Variants in GTF2H3 observed in about 807,000 individuals in gnomAD.
The protein encoded by GTF2H3 is TFIIH basal transcription factor complex p34 subunit.
GTF2H3 carries 42 observed loss-of-function variants against 51.1 expected under a neutral mutation model. The ratio of observed to expected loss-of-function variants is 0.82; its 90% CI spans 0.64 to 1.06. The LOEUF (loss-of-function observed/expected upper bound fraction) is 1.06, where lower values mean the gene tolerates loss of function less well. GTF2H3 is among the 50% of genes least tolerant of loss of function. The pLI is 0.00. For missense variants in GTF2H3, 326 were observed against 366.1 expected (o/e 0.89, Z 0.89); for synonymous variants, 123 against 123.8 (o/e 0.99, Z 0.04).
rs571639301 is a variant in GTF2H3 at position 123,657,192 on chromosome 12, A to G, written c.615+1368A>G. ...TTTTGCCTTTTTTTTTTTTAACAGTAAACACTGCAATTACTTTTGCACCAA... is the reference window on the plus strand; with the variant it reads ...TTTTGCCTTTTTTTTTTTTAACAGTGAACACTGCAATTACTTTTGCACCAA... On this transcript the variant is annotated intron_variant, in intron 9 of 12. Transcript: ENST00000543341. 7.2e-5 allele frequency among the ~76,000 whole-genome samples: 11 copies of G among 152,100 alleles called. No homozygotes were observed. The South Asian group carries it at 2.3e-3, about 32-fold the overall frequency.
chr12:123,646,809 T>TG (rs1436669384), intron 3 of GTF2H3, among the ~76,000 whole-genome samples: 1 of 151,612 alleles, frequency 6.6e-6, no homozygotes, highest in African/African-American at 2.4e-5. Flanking sequence ...GTCAAAGTTT[T>TG]TTTTTTTTTT....
intron 11 of GTF2H3, 32 bp from the exon 12 acceptor site, chr12:123,660,014 C>A (rs751697938): frequency 1.3e-6 from 2 of 1,590,216 alleles, no homozygotes; most frequent in Non-Finnish European, 1.7e-6. Flanking sequence ...TTTTCAGCCA[C>A]CCTATTGTTT....
At chr12:123,655,623 C>T in intron 8 of GTF2H3, 148 bp from the exon 9 acceptor site, 1 of 572,842 alleles carries the variant, frequency 1.7e-6, no homozygotes, top group Non-Finnish European at 3.1e-6. Flanking sequence ...GGTGCTTCAG[C>T]TGCCAAATGC....
intron 7 of GTF2H3, among the ~76,000 whole-genome samples, chr12:123,654,040 T>G (rs1955552566): frequency 6.6e-6 from 1 of 152,168 alleles, no homozygotes; most frequent in African/African-American, 2.4e-5. Flanking sequence ...CCACATATAT[T>G]GTGGACTGAA....
chr12:123,656,388 A>G (rs1157418732), intron 9 of GTF2H3, among the ~76,000 whole-genome samples: 4 of 152,206 alleles, frequency 2.6e-5, no homozygotes, highest in African/African-American at 9.7e-5. Context: ...GTAAAAATTC[A>G]AAAAGTTTGA....
intron 7 of GTF2H3, 90 bp downstream of exon 7, chr12:123,652,825 C>T: frequency 8.0e-7 from 1 of 1,254,330 alleles, no homozygotes; most frequent in Non-Finnish European, 1.1e-6. Flanking sequence ...CACCTGTTAT[C>T]CCAGCACTTT....
At chr12:123,638,792 CTTT>C (rs775845249) in intron 1 of GTF2H3, among the ~76,000 whole-genome samples, 2 of 119,728 alleles carry the variant, frequency 1.7e-5, no homozygotes. Context: ...TGCTTTAAAG[CTTT>C]TTTTTTTTTT....
At chr12:123,637,290 A>G (rs181528169) in intron 1 of GTF2H3, among the ~76,000 whole-genome samples, 1 of 152,018 alleles carries the variant, frequency 6.6e-6, no homozygotes, top group Non-Finnish European at 1.5e-5. Context: ...AGTCCTTACT[A>G]CTGGGGAGGC....
chr12:123,638,792 C>CTTTT (rs775845249), intron 1 of GTF2H3, among the ~76,000 whole-genome samples: 31 of 119,728 alleles, frequency 2.6e-4, no homozygotes, highest in African/African-American at 4.2e-4. Context: ...TGCTTTAAAG[C>CTTTT]TTTTTTTTTT....
At chr12:123,657,045 C>T (rs549304688) in intron 9 of GTF2H3, among the ~76,000 whole-genome samples, 5 of 152,174 alleles carry the variant, frequency 3.3e-5, no homozygotes, top group African/African-American at 1.2e-4. Flanking sequence ...TACGATCATG[C>T]CACTGCACTC....
chr12:123,645,377 C>T, intron 2 of GTF2H3, 78 bp from the exon 3 acceptor site: 1 of 801,170 alleles, frequency 1.2e-6, no homozygotes, highest in Non-Finnish European at 2.1e-6. Flanking sequence ...GCCTAAACGA[C>T]ATCTTAATTA....
chr12:123,648,684 A>G (rs1368185348), intron 4 of GTF2H3, among the ~76,000 whole-genome samples: 2 of 152,190 alleles, frequency 1.3e-5, no homozygotes, highest in African/African-American at 2.4e-5. Flanking sequence ...CTCCCATCCA[A>G]GTAGTTTTCT....
chr12:123,646,255 CTTT>C (rs34427180), intron 3 of GTF2H3, among the ~76,000 whole-genome samples: 14 of 135,784 alleles, frequency 1.0e-4, no homozygotes, highest in Admixed American at 7.5e-5. Context: ...TCTTCTATGT[CTTT>C]TTTTTTTTTT....
At chr12:123,656,844 G>A (rs745340185) in intron 9 of GTF2H3, among the ~76,000 whole-genome samples, 1 of 152,162 alleles carries the variant, frequency 6.6e-6, no homozygotes, top group Non-Finnish European at 1.5e-5. Flanking sequence ...CTCAGCACTT[G>A]GGAGGCTCAG....
At chr12:123,643,535 A>G (rs943559400) in intron 2 of GTF2H3, among the ~76,000 whole-genome samples, 7 of 152,304 alleles carry the variant, frequency 4.6e-5, no homozygotes, top group Admixed American at 4.6e-4. Flanking sequence ...TGTCAATATG[A>G]GGCAAAAAAC....
chr12:123,647,304 C>T (rs749344475), intron 3 of GTF2H3, among the ~76,000 whole-genome samples: 1 of 151,908 alleles, frequency 6.6e-6, no homozygotes, highest in Non-Finnish European at 1.5e-5. Flanking sequence ...AACCCCATCT[C>T]TACTAAAAAT....
At chr12:123,647,776 T>G (rs576258085) in intron 3 of GTF2H3, among the ~76,000 whole-genome samples, 187 bp from the exon 4 acceptor site, 1 of 152,362 alleles carries the variant, frequency 6.6e-6, no homozygotes, top group Non-Finnish European at 1.5e-5. Flanking sequence ...ATTTTTTCTT[T>G]GTTTTTATAC....
chr12:123,660,912 G>T lies in GTF2H3; in HGVS notation c.*677G>T, dbSNP rs1190424560. ...GAAGAGCTTATATGTGAAAGCTTAT[G>T]ACTGGTTTTGAGGGAGAACTTACTG... is the stretch of plus-strand genomic sequence containing the variant. On this transcript the variant is annotated 3_prime_UTR_variant, in exon 13 of 13. Coordinates refer to ENST00000543341, the MANE Select transcript of GTF2H3 (RefSeq NM_001516.5). 2 of 152,166 alleles carry T rather than the reference G, an allele frequency of 1.3e-5. No individual in the cohort carries two copies. The highest frequency in any genetic ancestry group is 4.8e-5 in the African/African-American group (2 of 41,442). The allele number at this position is 152,166 out of a possible 1,614,324, so 9.4% of individuals were successfully genotyped here.
chr12:123,652,427 G>A (rs1401566407), intron 5 of GTF2H3, 105 bp from the exon 6 acceptor site: 10 of 667,134 alleles, frequency 1.5e-5, no homozygotes, highest in Non-Finnish European at 2.3e-5. Context: ...TTCTTAGCTA[G>A]GTAGATGCTG....
Sources: gnomAD v4.1 joint callset for allele counts (sites outside exome capture counted in the v4.1 genomes callset) on GRCh38, gnomAD v4.1.1 for gene constraint, MANE v1.5 for transcripts, NCBI Gene and HGNC (gene_info 2026-07-23, HGNC 2026-07-21) for gene names.